Variants in ARHGEF33 observed in about 807,000 individuals in gnomAD.
ARHGEF33 encodes DH and coiled-coil domain-containing protein ENSP00000381780.
Under a neutral mutation model 101.9 loss-of-function variants are expected in ARHGEF33, and 72 were observed. The observed-to-expected ratio is 0.71, with a 90% CI of 0.58 to 0.86. The LOEUF (loss-of-function observed/expected upper bound fraction) is 0.86. Among genes scored for constraint, ARHGEF33 ranks in the 40% least tolerant of loss-of-function variants. The pLI is 0.00. For missense variants in ARHGEF33, 1,169 were observed against 1,111.3 expected, an observed-to-expected ratio of 1.05 and a Z score of -0.74; for synonymous variants, 499 against 442.5, an observed-to-expected ratio of 1.13 and a Z score of -1.60.
chr2:38,958,171 C>G lies in ARHGEF33; in HGVS notation c.1508C>G (p.Ser503Cys). 2 of 1,551,802 alleles carry G rather than the reference C, an allele frequency of 1.3e-6. No individual in the cohort carries two copies. The highest frequency in any genetic ancestry group is 4.9e-5 in the East Asian group (2 of 40,914). The change falls in exon 15 of 18, where the codon TCT becomes TGT. Residue 503 changes from serine (S) to cysteine (C), a missense_variant. Physicochemically the swap from Ser to Cys is moderately radical, Grantham distance 112. Transcript: ENST00000409978. ...GAAGAGTTGCTGCAACCCTACCCTT[C>G]TGCTCCCAGTTCTGGCCCTGCCATC... ...HSEELLQPYP[S>C]APSSGPAITH...
chr2:38,930,297 C>T (rs1666966603), intron 6 of ARHGEF33, among the ~76,000 whole-genome samples: 1 of 151,740 alleles, frequency 6.6e-6, no homozygotes, highest in Non-Finnish European at 1.5e-5. Flanking sequence ...CACCATTAAA[C>T]ATATATAATC....
At chr2:38,907,602 G>A (rs1666419852) in intron 2 of ARHGEF33, among the ~76,000 whole-genome samples, 1 of 152,148 alleles carries the variant, frequency 6.6e-6, no homozygotes, top group African/African-American at 2.4e-5. Context: ...CATTTCCTGA[G>A]GACTAAAGTT....
intron 11 of ARHGEF33, among the ~76,000 whole-genome samples, chr2:38,951,704 AAT>A (rs925927862): frequency 6.6e-6 from 1 of 152,028 alleles, no homozygotes; most frequent in Non-Finnish European, 1.5e-5. Flanking sequence ...TATATACACA[AAT>A]ATATATATAC....
At chr2:38,933,221 G>A (rs1162845864) in intron 7 of ARHGEF33, among the ~76,000 whole-genome samples, 1 of 152,060 alleles carries the variant, frequency 6.6e-6, no homozygotes, top group Admixed American at 6.6e-5. Context: ...CTACTCATGG[G>A]GCATCTATAC....
At chr2:38,927,619 C>T (rs907971917) in intron 4 of ARHGEF33, among the ~76,000 whole-genome samples, 1 of 152,170 alleles carries the variant, frequency 6.6e-6, no homozygotes, top group Non-Finnish European at 1.5e-5. Flanking sequence ...TCACTTGAAC[C>T]CAGAAGGTAG....
At chr2:38,964,810 T>G (rs548208616) in intron 16 of ARHGEF33, among the ~76,000 whole-genome samples, 1 of 152,200 alleles carries the variant, frequency 6.6e-6, no homozygotes, top group East Asian at 1.9e-4. Context: ...TTTTCAAATC[T>G]AAGTGTGCGT....
chr2:38,919,390 C>T lies in ARHGEF33; in HGVS notation c.-58C>T. On this transcript the variant is annotated 5_prime_UTR_variant, in exon 3 of 18. Coordinates refer to ENST00000409978, the MANE Select transcript of ARHGEF33 (RefSeq NM_001145451.5). ...GCAGGGAAGAGGAGGTGGCCTGAGCCAGGACGATGAGGATGCAATGTTGAA... is the reference window on the plus strand; with the variant it reads ...GCAGGGAAGAGGAGGTGGCCTGAGCTAGGACGATGAGGATGCAATGTTGAA... The T allele has an allele frequency of 6.5e-7, 1 of 1,544,336 alleles. No homozygotes were observed. The highest frequency in any genetic ancestry group is 8.8e-7 in the Non-Finnish European group (1 of 1,140,456).
intron 10 of ARHGEF33, among the ~76,000 whole-genome samples, chr2:38,950,736 G>A (rs533315660): frequency 1.3e-5 from 2 of 152,158 alleles, no homozygotes; most frequent in Non-Finnish European, 2.9e-5. Flanking sequence ...GGCATGCCAG[G>A]CCTCTTTATT....
chr2:38,938,439 C>T (rs182054759), intron 9 of ARHGEF33, among the ~76,000 whole-genome samples: 138 of 152,238 alleles, frequency 9.1e-4, no homozygotes, highest in Non-Finnish European at 1.5e-3. Flanking sequence ...CATGGGAGTC[C>T]AAGGTAGGAG....
chr2:38,917,102 C>CTTTTTTTT (rs371044814), intron 2 of ARHGEF33, among the ~76,000 whole-genome samples: 3 of 129,326 alleles, frequency 2.3e-5, no homozygotes, highest in African/African-American at 5.9e-5. Context: ...AACCGGTCTT[C>CTTTTTTTT]TTTTTTTGAG....
intron 2 of ARHGEF33, among the ~76,000 whole-genome samples, chr2:38,917,885 T>G (rs1666670946): frequency 6.6e-6 from 1 of 152,044 alleles, no homozygotes; most frequent in African/African-American, 2.4e-5. Flanking sequence ...CTCCACCTCC[T>G]GCTCTAGGTA....
In ARHGEF33 at chr2:38,942,468, C is replaced by CT. The variant is rs58695451; in HGVS notation, c.791-1416dup. Among the ~76,000 whole-genome samples the CT allele has an allele frequency of 6.7e-3, 890 of 132,768 alleles. 5 individuals carry two copies. The highest frequency in any genetic ancestry group is 0.015 in the African/African-American group (534 of 36,744). 87.1% of individuals were successfully genotyped at this position (132,768 alleles called of 152,430 possible). A position where few individuals can be genotyped will look rare whatever the true frequency, so the allele number is the denominator to read the frequency against. On this transcript the variant is annotated intron_variant, in intron 9 of 17. Transcript: ENST00000409978. ...AGCCACCACGCCCAGCCCCTCTTATCTTTTTTTTTTTTTTTTTAAGAAAGG... is the reference window on the plus strand; with the variant it reads ...AGCCACCACGCCCAGCCCCTCTTATCTTTTTTTTTTTTTTTTTTAAGAAAGG...
chr2:38,967,035 A>G (rs921646572), intron 17 of ARHGEF33, among the ~76,000 whole-genome samples: 5 of 152,170 alleles, frequency 3.3e-5, no homozygotes, highest in Admixed American at 3.3e-4. Flanking sequence ...AAGTCTTCAT[A>G]TTTTAGTAGA....
At chr2:38,913,908 T>TA (rs373042091) in intron 2 of ARHGEF33, among the ~76,000 whole-genome samples, 225 of 147,884 alleles carry the variant, frequency 1.5e-3, no homozygotes, top group African/African-American at 5.3e-3. Context: ...ACTCCTTGGT[T>TA]AAAAAAAAAA....
intron 11 of ARHGEF33, among the ~76,000 whole-genome samples, chr2:38,952,408 G>T (rs76595435): frequency 0.038 from 5,726 of 152,260 alleles, 329 homozygotes; most frequent in African/African-American, 0.13. Flanking sequence ...TATGTAATTA[G>T]TGGAAATATG....
chr2:38,910,587 G>A (rs1666487727), intron 2 of ARHGEF33, among the ~76,000 whole-genome samples: 1 of 152,108 alleles, frequency 6.6e-6, no homozygotes, highest in Admixed American at 6.5e-5. Flanking sequence ...AAAGAAAAAA[G>A]CAAGAGAGAA....
chr2:38,917,657 C>A, intron 2 of ARHGEF33, among the ~76,000 whole-genome samples: 1 of 151,420 alleles, frequency 6.6e-6, no homozygotes. Context: ...AGTGAGACTC[C>A]TGTCTCTACA....
At chr2:38,939,478 T>C (rs148844040) in intron 9 of ARHGEF33, among the ~76,000 whole-genome samples, 1 of 152,344 alleles carries the variant, frequency 6.6e-6, no homozygotes, top group East Asian at 1.9e-4. Context: ...TCACATACTT[T>C]CCAATACTTG....
At chr2:38,964,697 G>A (rs79543997) in intron 16 of ARHGEF33, among the ~76,000 whole-genome samples, 3,209 of 152,110 alleles carry the variant, frequency 0.021, 49 homozygotes, top group Non-Finnish European at 0.029. Flanking sequence ...ATGAAGCTTC[G>A]CTTGCTCACC....
Sources: gnomAD v4.1 joint callset for allele counts (sites outside exome capture counted in the v4.1 genomes callset) on GRCh38, gnomAD v4.1.1 for gene constraint, MANE v1.5 for transcripts, NCBI Gene and HGNC (gene_info 2026-07-23, HGNC 2026-07-21) for gene names.